Variants in PITPNA observed in about 807,000 individuals in gnomAD.
PITPNA encodes phosphatidylinositol transfer protein alpha.
PITPNA carries 13 observed loss-of-function variants against 50.3 expected under a neutral mutation model. The ratio of observed to expected loss-of-function variants is 0.26; its 90% CI spans 0.17 to 0.41. PITPNA has a LOEUF of 0.41. Ranked by LOEUF, PITPNA falls within the 10% of genes least tolerant of loss-of-function variation. The probability of loss-of-function intolerance (pLI) is 1.00; values close to 1 mark genes in which losing one functional copy is unlikely to be tolerated. For synonymous variants in PITPNA, 120 were observed against 119.6 expected, an observed-to-expected ratio of 1.00 and a Z score of -0.02; for missense variants, 207 against 333.4, an observed-to-expected ratio of 0.62 and a Z score of 2.95.
intron 9 of PITPNA, among the ~76,000 whole-genome samples, chr17:1,534,494 G>C (rs1290309066): frequency 6.6e-6 from 1 of 152,144 alleles, no homozygotes; most frequent in South Asian, 2.1e-4. Flanking sequence ...CAGCAAGACA[G>C]CAGCCCATGA....
intron 4 of PITPNA, among the ~76,000 whole-genome samples, chr17:1,545,398 C>T (rs1474835321): frequency 6.6e-6 from 1 of 152,224 alleles, no homozygotes; most frequent in Non-Finnish European, 1.5e-5. Flanking sequence ...CATCAGCCCC[C>T]AGAGGGAACT....
At chr17:1,541,718 G>T in intron 5 of PITPNA, 78 bp from the exon 6 acceptor site, 1 of 899,166 alleles carries the variant, frequency 1.1e-6, no homozygotes, top group Non-Finnish European at 1.8e-6. Context: ...CTGGAGATGG[G>T]CATTACTGGA....
At chr17:1,529,151 A>AGAG (rs1180857569) in intron 10 of PITPNA, among the ~76,000 whole-genome samples, 12 of 62,346 alleles carry the variant, frequency 1.9e-4, no homozygotes, top group Admixed American at 3.3e-4. Flanking sequence ...AAAAAAAAAA[A>AGAG]AAAAAGAGAG....
chr17:1,553,401 T>G (rs1000919795), intron 2 of PITPNA, among the ~76,000 whole-genome samples: 8 of 152,076 alleles, frequency 5.3e-5, no homozygotes, highest in Admixed American at 3.3e-4. Context: ...AGGGTTTATT[T>G]TTATTTATTT....
chr17:1,524,311 TG>T (rs1567574699), intron 10 of PITPNA, among the ~76,000 whole-genome samples: 1 of 150,376 alleles, frequency 6.6e-6, no homozygotes, highest in Non-Finnish European at 1.5e-5. Flanking sequence ...CCCAAAGTGC[TG>T]GGATTACAGG....
intron 7 of PITPNA, among the ~76,000 whole-genome samples, chr17:1,536,087 G>A (rs1171845316): frequency 6.6e-6 from 1 of 152,104 alleles, no homozygotes; most frequent in Non-Finnish European, 1.5e-5. Context: ...CACTACTGGT[G>A]AGTCTCACTT....
chr17:1,546,844 A>G (rs1052986745), intron 4 of PITPNA, among the ~76,000 whole-genome samples: 1 of 152,230 alleles, frequency 6.6e-6, no homozygotes, highest in Non-Finnish European at 1.5e-5. Flanking sequence ...TGGAGGTTCA[A>G]ATCTTTCCTT....
intron 8 of PITPNA, 61 bp from the exon 9 acceptor site, chr17:1,535,353 C>G: frequency 6.7e-7 from 1 of 1,497,416 alleles, no homozygotes; most frequent in Non-Finnish European, 9.3e-7. Flanking sequence ...AGGCCGTCCC[C>G]AGCTCACCCC....
chr17:1,524,642 T>C (rs1354587159), intron 10 of PITPNA, among the ~76,000 whole-genome samples: 2 of 151,936 alleles, frequency 1.3e-5, no homozygotes. Flanking sequence ...GGTCAGGAGT[T>C]CAAGACCAGC....
intron 9 of PITPNA, among the ~76,000 whole-genome samples, chr17:1,534,502 T>C (rs555308984): frequency 9.2e-5 from 14 of 152,262 alleles, no homozygotes; most frequent in Admixed American, 8.5e-4. Flanking sequence ...CAGCAGCCCA[T>C]GAACTCCTAG....
rs2075493231 is a variant in PITPNA, at chr17:1,519,164, C to T, written c.*1397G>A. 6.6e-6 allele frequency: 1 copy of T among 152,548 alleles called. No individual in the cohort carries two copies. The highest frequency in any genetic ancestry group is 2.4e-5 in the African/African-American group (1 of 41,442). 9.4% of individuals were successfully genotyped at this position (152,548 alleles called of 1,614,324 possible). A position where few individuals can be genotyped will look rare whatever the true frequency, so the allele number is the denominator to read the frequency against. On this transcript the variant is annotated 3_prime_UTR_variant, in exon 12 of 12. Coordinates refer to ENST00000313486, the MANE Select transcript of PITPNA (RefSeq NM_006224.4). ...ACAAAAACAGGATACATTCTCCCAC[C>T]CACTTCTTGCTTCCCGGACAAAGAT...
chr17:1,535,407 C>A (rs1437945079), intron 8 of PITPNA, 34 bp downstream of exon 8: 2 of 1,576,226 alleles, frequency 1.3e-6, no homozygotes, highest in Admixed American at 1.7e-5. Context: ...CCACATGCTG[C>A]CCAGCCCCCT....
intron 10 of PITPNA, among the ~76,000 whole-genome samples, chr17:1,527,977 T>C (rs1598403952): frequency 2.0e-5 from 3 of 152,100 alleles, no homozygotes; most frequent in Admixed American, 2.0e-4. Flanking sequence ...TGGCTGGGAG[T>C]TTGAGACCAG....
At chr17:1,558,197 C>CT in intron 2 of PITPNA, among the ~76,000 whole-genome samples, 1 of 149,138 alleles carries the variant, frequency 6.7e-6, no homozygotes, top group East Asian at 2.0e-4. Flanking sequence ...CACCACTGCA[C>CT]TCCAGCCTGG....
chr17:1,523,562 C>G (rs556023656), intron 10 of PITPNA, among the ~76,000 whole-genome samples: 6 of 144,292 alleles, frequency 4.2e-5, no homozygotes, highest in African/African-American at 1.6e-4. Flanking sequence ...GGCTGGATGG[C>G]AGTGGTGTGA....
chr17:1,527,939 C>G (rs1387380379), intron 10 of PITPNA, among the ~76,000 whole-genome samples: 1 of 152,156 alleles, frequency 6.6e-6, no homozygotes, highest in Non-Finnish European at 1.5e-5. Flanking sequence ...CCCAACACTT[C>G]GGGAGGCTGA....
chr17:1,533,055 C>T (rs574925268), intron 10 of PITPNA, among the ~76,000 whole-genome samples: 111 of 152,368 alleles, frequency 7.3e-4, no homozygotes, highest in Admixed American at 1.5e-3. Flanking sequence ...GCCTGGCTCT[C>T]ACCTGAGGCC....
At chr17:1,548,534 TGA>T (rs1302016145) in intron 3 of PITPNA, 147 bp from the exon 4 acceptor site, 61 of 587,506 alleles carry the variant, frequency 1.0e-4, no homozygotes, top group Non-Finnish European at 1.8e-4. Flanking sequence ...AAGTTACGTA[TGA>T]GAGCCTGACA....
chr17:1,540,829 C>T (rs1028002116), intron 6 of PITPNA, among the ~76,000 whole-genome samples: 1 of 152,224 alleles, frequency 6.6e-6, no homozygotes, highest in Non-Finnish European at 1.5e-5. Context: ...TCGTGATCCG[C>T]CTGCCTCGGC....
Sources: allele counts gnomAD v4.1 joint callset (sites outside exome capture counted in the v4.1 genomes callset), GRCh38; gene constraint gnomAD v4.1.1; transcripts MANE v1.5; gene names NCBI Gene and HGNC (gene_info 2026-07-23, HGNC 2026-07-21).